Variants in RIC1 observed in about 807,000 individuals in gnomAD.
RIC1 encodes guanine nucleotide exchange factor subunit RIC1.
In RIC1, 88 loss-of-function variants were observed where a neutral mutation model predicts 169.0. The ratio of observed to expected loss-of-function variants is 0.52; its 90% CI spans 0.44 to 0.62. The LOEUF is 0.62. RIC1 is among the 20% of genes least tolerant of loss of function. The pLI is 0.00. For synonymous variants in RIC1, 790 were observed against 601.5 expected (o/e 1.31, Z -4.59); for missense variants, 1,877 against 1,725.5 (o/e 1.09, Z -1.56).
At chr9:5,685,024 A>T (rs984382654) in intron 2 of RIC1, among the ~76,000 whole-genome samples, 1 of 151,792 alleles carries the variant, frequency 6.6e-6, no homozygotes, top group African/African-American at 2.4e-5. Context: ...TTTGGTTGTG[A>T]TGTTTTTTTT....
chr9:5,718,669 T>C (rs34639943), intron 4 of RIC1, among the ~76,000 whole-genome samples: 1 of 152,226 alleles, frequency 6.6e-6, no homozygotes, highest in Non-Finnish European at 1.5e-5. Flanking sequence ...CATAAACTTT[T>C]TATACTCTAC....
At chr9:5,651,652 C>G (rs1729347576) in intron 1 of RIC1, among the ~76,000 whole-genome samples, 1 of 150,418 alleles carries the variant, frequency 6.6e-6, no homozygotes, top group Admixed American at 6.7e-5. Flanking sequence ...CAACCTCCAC[C>G]TCCTGGGTTC....
Position 5,705,212 on chromosome 9 carries a change from TA to T in RIC1, c.333-8680del, listed in dbSNP as rs57819873. 4.0e-5 allele frequency among the ~76,000 whole-genome samples: 6 copies of T among 150,042 alleles called. No individual in the cohort carries two copies. In the East Asian group the frequency reaches 5.9e-4, roughly 15 times the overall value. On this transcript the variant is annotated intron_variant, in intron 3 of 25. Coordinates refer to ENST00000414202, the MANE Select transcript of RIC1 (RefSeq NM_020829.4). Reference sequence around the variant, plus strand: ...TTTCTGTTTTTTTTTTTTTTTTTTTTAAAAGAACATTGGGATTTTGGTAGAA... The same window carrying T: ...TTTCTGTTTTTTTTTTTTTTTTTTTTAAAGAACATTGGGATTTTGGTAGAA...
intron 10 of RIC1, among the ~76,000 whole-genome samples, chr9:5,744,422 C>T (rs987611696): frequency 6.6e-6 from 1 of 152,148 alleles, no homozygotes; most frequent in Non-Finnish European, 1.5e-5. Flanking sequence ...ATTATGGTCA[C>T]TGTTGTAAAC....
At chr9:5,755,848 G>A (rs148487596) in intron 15 of RIC1, among the ~76,000 whole-genome samples, 281 of 152,086 alleles carry the variant, frequency 1.8e-3, no homozygotes, top group African/African-American at 6.3e-3. Context: ...GCTTGAACCC[G>A]GAAGGCGGAG....
intron 4 of RIC1, among the ~76,000 whole-genome samples, chr9:5,715,693 G>GA (rs1056116213): frequency 2.6e-5 from 4 of 152,148 alleles, no homozygotes; most frequent in South Asian, 4.1e-4. Context: ...TTGATTTGAA[G>GA]AAAAAATATT....
intron 1 of RIC1, among the ~76,000 whole-genome samples, chr9:5,639,854 G>A (rs1818153264): frequency 6.6e-6 from 1 of 152,092 alleles, no homozygotes; most frequent in South Asian, 2.1e-4. Flanking sequence ...CACAATTTTT[G>A]TCTTGAAATC....
chr9:5,690,944 C>T (rs977623250), intron 3 of RIC1, among the ~76,000 whole-genome samples: 2 of 151,632 alleles, frequency 1.3e-5, no homozygotes, highest in Admixed American at 1.3e-4. Context: ...ATAAAATAAA[C>T]GTTAAATAAA....
chr9:5,718,987 A>G (rs1368024199), intron 4 of RIC1: 1 of 152,166 alleles, frequency 6.6e-6, no homozygotes, highest in African/African-American at 2.4e-5. Context: ...TTTTTTCATC[A>G]TTATGGATTA....
At chr9:5,747,253 T>C in intron 11 of RIC1, 49 bp from the exon 12 acceptor site, 1 of 1,462,030 alleles carries the variant, frequency 6.8e-7, no homozygotes, top group Non-Finnish European at 9.6e-7. Flanking sequence ...TTGAGTTGTT[T>C]TTATTTGTTT....
chr9:5,697,160 T>A (rs1483623185), intron 3 of RIC1, among the ~76,000 whole-genome samples: 1 of 152,232 alleles, frequency 6.6e-6, no homozygotes, highest in Non-Finnish European at 1.5e-5. Context: ...TCTGTGTGGC[T>A]CCCACATCAC....
chr9:5,751,160 C>T (rs1825700836), intron 12 of RIC1, among the ~76,000 whole-genome samples: 1 of 151,736 alleles, frequency 6.6e-6, no homozygotes, highest in Non-Finnish European at 1.5e-5. Context: ...ACTCATGAAA[C>T]ACCAAGGTTT....
rs557256794 is a variant in RIC1, at chr9:5,696,426, A to T, written c.332+6388A>T. 3.3e-5 allele frequency among the ~76,000 whole-genome samples: 5 copies of T among 152,126 alleles called. No individual in the cohort carries two copies. In the South Asian group the frequency reaches 1.0e-3, roughly 32 times the overall value. ...CCTGCTATCTTTTTTTATGTAAGAA[A>T]TTTATCTGAGTTGGTTTTCAAGCTC... On this transcript the variant is annotated intron_variant, in intron 3 of 25. Transcript: ENST00000414202.
chr9:5,726,692 C>T (rs899740899), intron 6 of RIC1, among the ~76,000 whole-genome samples: 3 of 152,136 alleles, frequency 2.0e-5, no homozygotes, highest in Non-Finnish European at 4.4e-5. Flanking sequence ...TGGCTGGTAC[C>T]AGTTGTTCCT....
At chr9:5,703,401 A>T (rs919141656) in intron 3 of RIC1, among the ~76,000 whole-genome samples, 1 of 152,214 alleles carries the variant, frequency 6.6e-6, no homozygotes, top group Non-Finnish European at 1.5e-5. Context: ...GTTTTGTACA[A>T]CTATCACAAT....
At chr9:5,684,608 C>G (rs536514811) in intron 2 of RIC1, among the ~76,000 whole-genome samples, 2 of 152,028 alleles carry the variant, frequency 1.3e-5, no homozygotes, top group South Asian at 2.1e-4. Flanking sequence ...AGCAGTCATA[C>G]TAAACTCACT....
intron 11 of RIC1, among the ~76,000 whole-genome samples, chr9:5,746,738 T>C (rs2131000203): frequency 6.6e-6 from 1 of 152,324 alleles, no homozygotes; most frequent in East Asian, 1.9e-4. Flanking sequence ...TAATGGTATA[T>C]GTTACATGTT....
chr9:5,670,976 G>A (rs543719462), intron 2 of RIC1, among the ~76,000 whole-genome samples: 5 of 152,258 alleles, frequency 3.3e-5, no homozygotes, highest in South Asian at 2.1e-4. Flanking sequence ...GTGGGTCCAC[G>A]TGGAGCCCTC....
chr9:5,763,714 T>G lies in RIC1; in HGVS notation c.2687T>G (p.Leu896Arg), dbSNP rs1287309823. The G allele has an allele frequency of 6.2e-7, 1 of 1,614,160 alleles. No individual in the cohort carries two copies. The highest frequency in any genetic ancestry group is 1.7e-5 in the Admixed American group (1 of 60,028). The change falls in exon 19 of 26, where the codon CTC becomes CGC. Residue 896 changes from leucine to arginine, a missense_variant. Physicochemically the swap from Leu to Arg is moderately radical, Grantham distance 102 (BLOSUM62 -2). Around this residue, in one of 3 missense-constraint regions of RIC1, gnomAD observed 92 missense variants for 151.5 expected, o/e 0.61. Transcript: ENST00000414202. This position sits in a 1 kb window ranked among gnomAD's most constrained non-coding sequence, Gnocchi z 5.2. ...GCAAAATTTATCACTGAGTTCCCCC[T>G]CTTCCTGCAGACAGTTGTCCATTGT... ...TVAKFITEFP[L>R]FLQTVVHCAR...
Sources: allele counts gnomAD v4.1 joint callset (sites outside exome capture counted in the v4.1 genomes callset), GRCh38; gene constraint gnomAD v4.1.1; regional missense constraint gnomAD v4.1.1; non-coding constraint Gnocchi (gnomAD v3.1); transcripts MANE v1.5; gene names NCBI Gene and HGNC (gene_info 2026-07-23, HGNC 2026-07-21).